The following RADIL variants were observed in gnomAD, a reference collection of about 807,000 sequenced individuals.
RADIL encodes Rap associating with DIL domain.
Under a neutral mutation model 97.6 loss-of-function variants are expected in RADIL, and 99 were observed. The observed-to-expected ratio is 1.01, with a 90% CI of 0.86 to 1.20. The LOEUF (loss-of-function observed/expected upper bound fraction) is 1.20, where lower values mean the gene tolerates loss of function less well. Among genes scored for constraint, RADIL ranks in the 50% most tolerant of loss-of-function variants. The pLI, the probability that RADIL is intolerant of heterozygous loss-of-function variation, is 0.00. For missense variants in RADIL, 1,765 were observed against 1,498.9 expected (o/e 1.18, Z -2.93); for synonymous variants, 803 against 691.8 (o/e 1.16, Z -2.52).
Position 4,815,734 on chromosome 7 carries a change from GACAC to G in RADIL, c.1967-288_1967-285del, listed in dbSNP as rs1269090511. 6.6e-6 allele frequency among the ~76,000 whole-genome samples: 1 copy of G among 152,128 alleles called. No individual in the cohort carries two copies. Among genetic ancestry groups the G allele is most frequent in the Non-Finnish European group, 1.5e-5 (1 of 68,004 alleles). On this transcript the variant is annotated intron_variant, in intron 8 of 14. Transcript: ENST00000399583. This position sits in a 1 kb window ranked among gnomAD's most constrained non-coding sequence, Gnocchi z 8.0. Reference sequence around the variant, plus strand: ...TAGCTGGGACCCTCTCCCACTCCCAGACACATGTGCCGGGGGCCTGCCCCCACCT... The same window carrying G: ...TAGCTGGGACCCTCTCCCACTCCCAGATGTGCCGGGGGCCTGCCCCCACCT...
intron 10 of RADIL, chr7:4,804,164 C>T (rs898037825): frequency 6.8e-6 from 2 of 293,596 alleles, no homozygotes; most frequent in South Asian, 7.0e-5. Context: ...GCAGGAATCA[C>T]GGGACCCAAA....
intron 2 of RADIL, among the ~76,000 whole-genome samples, chr7:4,876,331 G>A (rs1293022675): frequency 1.3e-5 from 2 of 151,630 alleles, no homozygotes; most frequent in Non-Finnish European, 2.9e-5. Context: ...ACTGAGTTTC[G>A]TTCTTGTTGC....
At position 4,799,015 on chromosome 7, in the gene RADIL, G is replaced by C; in HGVS notation, c.*363C>G. The C allele has an allele frequency of 3.9e-6, 1 of 255,124 alleles. No individual in the cohort carries two copies. The highest frequency in any genetic ancestry group is 1.6e-3 in the Middle Eastern group (1 of 636). The allele number at this position is 255,124 out of a possible 1,614,324, so 15.8% of individuals were successfully genotyped here. On this transcript the variant is annotated 3_prime_UTR_variant, in exon 15 of 15. Coordinates refer to ENST00000399583, the MANE Select transcript of RADIL (RefSeq NM_018059.5). ...AGCTGTCACTGCATTCTCCCGTGCCGGTGGCAGGCAGAGGCCATGGGGAGC... is the reference window on the plus strand; with the variant it reads ...AGCTGTCACTGCATTCTCCCGTGCCCGTGGCAGGCAGAGGCCATGGGGAGC...
At chr7:4,799,989 G>A (rs945412866) in intron 13 of RADIL, among the ~76,000 whole-genome samples, 182 bp downstream of exon 13, 9 of 151,992 alleles carry the variant, frequency 5.9e-5, no homozygotes, top group Admixed American at 4.6e-4. Flanking sequence ...GAGACAGCAG[G>A]CCCAGGGGGC....
Position 4,819,710 on chromosome 7 carries a change from G to A in RADIL, c.1616-2359C>T, listed in dbSNP as rs1325748555. Among the ~76,000 whole-genome samples, 2 of 152,182 alleles carry A rather than the reference G, an allele frequency of 1.3e-5. No homozygotes were observed. Among genetic ancestry groups the A allele is most frequent in the African/African-American group, 2.4e-5 (1 of 41,446 alleles). On this transcript the variant is annotated intron_variant, in intron 6 of 14. Coordinates refer to ENST00000399583, the MANE Select transcript of RADIL (RefSeq NM_018059.5). The surrounding 1 kb of genome is among the most constrained non-coding windows in gnomAD (Gnocchi z 5.8). ...CCCTGCTCTCCGAATTCTTCCCACA[G>A]ACATTTCCTGCAGAGGGTCGGGAGG...
intron 12 of RADIL, 123 bp from the exon 13 acceptor site, chr7:4,800,433 A>C: frequency 9.2e-7 from 1 of 1,085,280 alleles, no homozygotes; most frequent in Non-Finnish European, 1.2e-6. Context: ...TGTGGCTCCC[A>C]GGAGACGCTG....
chr7:4,825,252 C>A (rs539022491), intron 5 of RADIL, among the ~76,000 whole-genome samples: 1 of 152,130 alleles, frequency 6.6e-6, no homozygotes, highest in Non-Finnish European at 1.5e-5. Flanking sequence ...GAGGAACGGG[C>A]GCAGCTGGCT....
chr7:4,866,345 T>A (rs1011651487), intron 2 of RADIL, among the ~76,000 whole-genome samples: 1 of 152,150 alleles, frequency 6.6e-6, no homozygotes, highest in African/African-American at 2.4e-5. Flanking sequence ...ATGAAATCAT[T>A]TATTTATAAA....
In RADIL at chr7:4,797,093, G is replaced by C. The variant is rs1177602827; in HGVS notation, c.*2285C>G. ...TGTAGATTGTCTGGGGCCTGGCTGGGAAGTCGTTCTGCTCCACGTGGTGTC... is the reference window on the plus strand; with the variant it reads ...TGTAGATTGTCTGGGGCCTGGCTGGCAAGTCGTTCTGCTCCACGTGGTGTC... On this transcript the variant is annotated 3_prime_UTR_variant, in exon 15 of 15. Coordinates refer to ENST00000399583, the MANE Select transcript of RADIL (RefSeq NM_018059.5). 1 of 152,282 alleles carries C rather than the reference G, an allele frequency of 6.6e-6. No homozygotes were observed. The highest frequency in any genetic ancestry group is 6.5e-5 in the Admixed American group (1 of 15,290). 9.4% of individuals were successfully genotyped at this position (152,282 alleles called of 1,614,324 possible).
chr7:4,799,994 G>A (rs1189875552), intron 13 of RADIL, among the ~76,000 whole-genome samples, 177 bp downstream of exon 13: 1 of 144,484 alleles, frequency 6.9e-6, no homozygotes, highest in Non-Finnish European at 1.6e-5. Flanking sequence ...AGCAGGCCCA[G>A]GGGGCGTGGC....
chr7:4,823,181 C>T (rs574125202), intron 5 of RADIL, among the ~76,000 whole-genome samples: 76 of 152,212 alleles, frequency 5.0e-4, no homozygotes, highest in African/African-American at 1.8e-3. Flanking sequence ...TGAGGCCAGG[C>T]GTGGTGGCTC....
In RADIL at chr7:4,818,116, C is replaced by T. The variant is rs1039107639; in HGVS notation, c.1616-765G>A. 1.3e-5 allele frequency among the ~76,000 whole-genome samples: 2 copies of T among 152,186 alleles called. No individual in the cohort carries two copies. The highest frequency in any genetic ancestry group is 2.9e-5 in the Non-Finnish European group (2 of 68,008). ...CCACAGTGGTGTTCCCTGTCAGCCG[C>T]GTGGGCGGCCACAGCTCCCCTCCTC... is the stretch of plus-strand genomic sequence containing the variant. On this transcript the variant is annotated intron_variant, in intron 6 of 14. Coordinates refer to ENST00000399583, the MANE Select transcript of RADIL (RefSeq NM_018059.5). The surrounding 1 kb of genome is among the most constrained non-coding windows in gnomAD (Gnocchi z 7.1).
chr7:4,828,196 G>A (rs547527744), intron 5 of RADIL, among the ~76,000 whole-genome samples: 9 of 152,350 alleles, frequency 5.9e-5, no homozygotes, highest in South Asian at 2.1e-4. Context: ...AGTGGCTTAC[G>A]CCTGTAATCC....
intron 2 of RADIL, among the ~76,000 whole-genome samples, chr7:4,871,618 C>T (rs1164261270): frequency 1.3e-5 from 2 of 152,218 alleles, no homozygotes; most frequent in African/African-American, 4.8e-5. Flanking sequence ...GCTGCAGGTT[C>T]CTCTGTCGCT....
Position 4,803,675 on chromosome 7 carries a change from G to T in RADIL, c.2370C>A (p.Asn790Lys). 6.4e-7 allele frequency: 1 copy of T among 1,556,350 alleles called. No individual in the cohort carries two copies. Among genetic ancestry groups the T allele is most frequent in the Non-Finnish European group, 8.7e-7 (1 of 1,150,656 alleles). The change falls in exon 11 of 15, where the codon AAC becomes AAA. Residue 790 changes from asparagine to lysine, a missense_variant. By Grantham distance (94) the Asn-to-Lys change is moderately conservative. Coordinates refer to ENST00000399583, the MANE Select transcript of RADIL (RefSeq NM_018059.5). Reference protein sequence around the residue: ...SDGFQVDLEANCLDDSIYQHL... With the variant: ...SDGFQVDLEAKCLDDSIYQHL... ...GCTGGTAGATGCTGTCGTCCAGGCA[G>T]TTGGCTTCCAAGTCCACCTGGAAGC...
rs762767967 is a variant in RADIL at position 4,832,151 on chromosome 7, G to C, written c.1444C>G (p.Gln482Glu). 1 of 1,610,862 alleles carries C rather than the reference G, an allele frequency of 6.2e-7. No homozygotes were observed. The highest frequency in any genetic ancestry group is 8.5e-7 in the Non-Finnish European group (1 of 1,178,058). Residue 482 changes from glutamine to glutamate, a missense_variant, in exon 5 of 15, where the codon CAG (glutamine) becomes GAG (glutamate). Transcript: ENST00000399583. Reference protein sequence around the residue: ...WEKTKELAEKQAQLQEPISLA... With the variant: ...WEKTKELAEKEAQLQEPISLA... ...CCGGGTCATACTCACAGTTGCGCCTGCTTCTCTGCTAGTTCTTTGGTTTTC... is the reference window on the plus strand; with the variant it reads ...CCGGGTCATACTCACAGTTGCGCCTCCTTCTCTGCTAGTTCTTTGGTTTTC...
intron 2 of RADIL, among the ~76,000 whole-genome samples, chr7:4,862,311 C>T (rs912035561): frequency 1.3e-5 from 2 of 152,252 alleles, no homozygotes; most frequent in Admixed American, 1.3e-4. Context: ...TAGCGTGCAC[C>T]CTTTGGAAGT....
intron 12 of RADIL, 92 bp downstream of exon 12, chr7:4,801,561 A>ACCCAAGGGGGGAACGAT: frequency 7.3e-7 from 1 of 1,371,912 alleles, no homozygotes; most frequent in Non-Finnish European, 9.8e-7. Flanking sequence ...GAAACCTAGG[A>ACCCAAGGGGGGAACGAT]CCCAAGGGGG....
intron 5 of RADIL, among the ~76,000 whole-genome samples, chr7:4,827,748 C>T (rs1440834204): frequency 3.9e-5 from 6 of 152,176 alleles, no homozygotes; most frequent in Admixed American, 1.3e-4. Context: ...TCTCCCTCCC[C>T]GAGGACTCTG....
Sources: allele counts gnomAD v4.1 joint callset (sites outside exome capture counted in the v4.1 genomes callset), GRCh38; gene constraint gnomAD v4.1.1; non-coding constraint Gnocchi (gnomAD v3.1); transcripts MANE v1.5; gene names NCBI Gene and HGNC (gene_info 2026-07-23, HGNC 2026-07-21).